The following ST18 variants were observed in gnomAD, a reference collection of about 807,000 sequenced individuals.
ST18 encodes suppression of tumorigenicity 18 protein.
ST18 carries 50 observed loss-of-function variants against 110.0 expected under a neutral mutation model. That is an observed-to-expected ratio of 0.45 (90% CI 0.36 to 0.58). ST18 has a LOEUF of 0.58. ST18 is among the 20% of genes least tolerant of loss of function. ST18 has a pLI of 0.00. For synonymous variants in ST18, 461 were observed against 452.4 expected (o/e 1.02, Z -0.24); for missense variants, 1,306 against 1,280.1 (o/e 1.02, Z -0.31).
At chr8:52,397,916 T>C (rs1328402178) in intron 2 of ST18, among the ~76,000 whole-genome samples, 8 of 152,138 alleles carry the variant, frequency 5.3e-5, no homozygotes, top group Non-Finnish European at 1.0e-4. Flanking sequence ...AGTATTGCTG[T>C]GGCTAGTCAG....
chr8:52,255,276 T>C (rs2094490112), intron 2 of ST18, among the ~76,000 whole-genome samples: 1 of 152,136 alleles, frequency 6.6e-6, no homozygotes, highest in East Asian at 1.9e-4. Flanking sequence ...TCACAGGGAA[T>C]TTTTTCATGG....
At chr8:52,313,216 G>A (rs1295604002) in intron 2 of ST18, 1 of 152,646 alleles carries the variant, frequency 6.6e-6, no homozygotes, top group Non-Finnish European at 1.5e-5. Context: ...CCCTGATAAG[G>A]AACACATGCT....
At chr8:52,219,960 C>T (rs961935622) in intron 5 of ST18, among the ~76,000 whole-genome samples, 6 of 152,156 alleles carry the variant, frequency 3.9e-5, no homozygotes, top group African/African-American at 1.4e-4. Context: ...TTTTGCCAAA[C>T]GACTCCAGCA....
chr8:52,357,771 T>A (rs1211949765), intron 2 of ST18, among the ~76,000 whole-genome samples: 1 of 141,030 alleles, frequency 7.1e-6, no homozygotes, highest in Non-Finnish European at 1.6e-5. Context: ...CAATAATATT[T>A]GGAAATTTTA....
intron 2 of ST18, among the ~76,000 whole-genome samples, chr8:52,360,660 C>T (rs1825335166): frequency 6.6e-6 from 1 of 152,004 alleles, no homozygotes; most frequent in Non-Finnish European, 1.5e-5. Context: ...TTTGCTAAAC[C>T]CAAACAGGTG....
intron 8 of ST18, among the ~76,000 whole-genome samples, chr8:52,204,479 C>T (rs963361510): frequency 3.3e-5 from 5 of 152,274 alleles, no homozygotes; most frequent in Non-Finnish European, 7.3e-5. Flanking sequence ...GGTTCTGAGC[C>T]GGCAGGCTCC....
Position 52,136,463 on chromosome 8 carries a change from CT to C in ST18, c.2300+126del, listed in dbSNP as rs2052343916. On this transcript the variant is annotated intron_variant, in intron 19 of 25. Coordinates refer to ENST00000689386, the MANE Select transcript of ST18 (RefSeq NM_001352837.2). ...TCCCAGCGCTTTAGTCAGAAAGTGC[CT>C]TTGCTGTGATCCTGGCAGGCAGGAC... 1.9e-5 allele frequency: 17 copies of C among 903,064 alleles called. No individual in the cohort carries two copies. The South Asian group carries it at 2.8e-4, about 15-fold the overall frequency. The allele number at this position is 903,064 out of a possible 1,614,324, so 55.9% of individuals were successfully genotyped here. A position where few individuals can be genotyped will look rare whatever the true frequency, so the allele number is the denominator to read the frequency against.
chr8:52,195,392 T>C (rs1052238535), intron 8 of ST18, among the ~76,000 whole-genome samples: 1 of 152,080 alleles, frequency 6.6e-6, no homozygotes, highest in East Asian at 1.9e-4. Flanking sequence ...GAGTATATAA[T>C]ATAATAAAAT....
chr8:52,158,859 A>G, intron 15 of ST18, 39 bp downstream of exon 15: 1 of 1,609,794 alleles, frequency 6.2e-7, no homozygotes, highest in Non-Finnish European at 8.5e-7. Context: ...CTCACAGTTC[A>G]GTCGCTGGCC....
At chr8:52,263,766 A>C (rs1319725719) in intron 2 of ST18, among the ~76,000 whole-genome samples, 3 of 71,624 alleles carry the variant, frequency 4.2e-5, no homozygotes, top group Non-Finnish European at 7.5e-5. Flanking sequence ...TTTTTTTTTG[A>C]GACAGAGTCT....
At chr8:52,307,652 C>T (rs10958313) in intron 2 of ST18, among the ~76,000 whole-genome samples, 7,659 of 152,214 alleles carry the variant, frequency 0.05, 318 homozygotes, top group African/African-American at 0.1. Flanking sequence ...TAATCCCTGT[C>T]AAGATTTTGA....
chr8:52,260,319 G>A (rs866705969), intron 2 of ST18, among the ~76,000 whole-genome samples: 6 of 151,966 alleles, frequency 3.9e-5, no homozygotes, highest in Admixed American at 2.6e-4. Flanking sequence ...TTTTCAATAT[G>A]GCTTTCATAT....
chr8:52,357,710 TATATATATATATA>T (rs1185427492), intron 2 of ST18, among the ~76,000 whole-genome samples: 2,049 of 76,068 alleles, frequency 0.027, 76 homozygotes, highest in East Asian at 0.12. Flanking sequence ...TATATATATA[TATATATATATATA>T]TATATATAAA....
At chr8:52,297,418 T>TA (rs2095652392) in intron 2 of ST18, among the ~76,000 whole-genome samples, 1 of 152,234 alleles carries the variant, frequency 6.6e-6, no homozygotes, top group African/African-American at 2.4e-5. Context: ...AAATAATTTT[T>TA]AAACAATAAT....
At chr8:52,185,381 C>G (rs2071641014) in intron 8 of ST18, among the ~76,000 whole-genome samples, 1 of 152,058 alleles carries the variant, frequency 6.6e-6, no homozygotes, top group African/African-American at 2.4e-5. Context: ...CAATTCCTAC[C>G]AATACCTCCA....
chr8:52,152,910 T>C (rs1213380600), intron 15 of ST18, among the ~76,000 whole-genome samples: 1 of 152,228 alleles, frequency 6.6e-6, no homozygotes. Context: ...ACACTGTTTC[T>C]ACATGGAAAA....
chr8:52,113,247 TTG>T lies in ST18; in HGVS notation c.3093_3094del (p.Cys1031Ter), dbSNP rs2041059698. On this transcript the variant is annotated stop_gained and frameshift_variant, in exon 26 of 26. Transcript: ENST00000689386. LOFTEE classifies it high-confidence loss of function. ...CTGTTTGATACTTTCCAGTAGAGCT[TTG>T]CATTCCGGGGAATAGTCCCGTTCCA... 1.9e-6 allele frequency: 3 copies of T among 1,614,016 alleles called. No individual in the cohort carries two copies. In the Admixed American group the frequency reaches 5.0e-5, roughly 27 times the overall value.
chr8:52,260,806 C>A (rs115112335), intron 2 of ST18, among the ~76,000 whole-genome samples: 1 of 152,080 alleles, frequency 6.6e-6, no homozygotes, highest in Admixed American at 6.5e-5. Context: ...ATAATGATTC[C>A]GCTTAGAAAA....
rs55935866 is a variant in ST18 at position 52,367,270 on chromosome 8, A to AC, written c.-465+42057_-465+42058insG. 1.6e-3 allele frequency among the ~76,000 whole-genome samples: 235 copies of AC among 150,782 alleles called. 5 individuals are homozygous for AC. The highest frequency in any genetic ancestry group is 2.5e-3 in the Non-Finnish European group (168 of 67,586). ...CACACACACACACACACACACACAC[A>AC]AAGATTTTACCTTCTAGGTCGCATG... On this transcript the variant is annotated intron_variant, in intron 2 of 25. Coordinates refer to ENST00000689386, the MANE Select transcript of ST18 (RefSeq NM_001352837.2).
Sources: allele counts gnomAD v4.1 joint callset (sites outside exome capture counted in the v4.1 genomes callset), GRCh38; gene constraint gnomAD v4.1.1; transcripts MANE v1.5; gene names NCBI Gene and HGNC (gene_info 2026-07-23, HGNC 2026-07-21).